Variants in UGGT2 observed in about 807,000 individuals in gnomAD.
The protein encoded by UGGT2 is UDP-glucose:glycoprotein glucosyltransferase 2.
Under a neutral mutation model 192.1 loss-of-function variants are expected in UGGT2, and 180 were observed. The ratio of observed to expected loss-of-function variants is 0.94; its 90% CI spans 0.83 to 1.06. The LOEUF (loss-of-function observed/expected upper bound fraction) is 1.06. Ranked by LOEUF, UGGT2 falls within the 50% of genes least tolerant of loss-of-function variation. The pLI, the probability that UGGT2 is intolerant of heterozygous loss-of-function variation, is 0.00. For synonymous variants in UGGT2, 580 were observed against 591.0 expected (o/e 0.98, Z 0.27); for missense variants, 1,849 against 1,795.7 (o/e 1.03, Z -0.54).
intron 34 of UGGT2, 119 bp downstream of exon 34, chr13:95,856,039 C>T (rs1222242157): frequency 7.4e-6 from 6 of 809,582 alleles, no homozygotes; most frequent in Admixed American, 3.6e-5. Context: ...ATATCACAAT[C>T]GTATCTTAAG....
At chr13:96,010,705 ATTTAT>A (rs2052133761) in intron 5 of UGGT2, among the ~76,000 whole-genome samples, 1 of 152,224 alleles carries the variant, frequency 6.6e-6, no homozygotes, top group African/African-American at 2.4e-5. Context: ...CACAAATTTA[ATTTAT>A]ATGTTCAATG....
At chr13:95,988,943 GTATGT>G (rs1268617898) in intron 8 of UGGT2, among the ~76,000 whole-genome samples, 3 of 152,100 alleles carry the variant, frequency 2.0e-5, no homozygotes, top group Non-Finnish European at 4.4e-5. Context: ...AATATTATTT[GTATGT>G]TATAAGTAAG....
chr13:95,990,166 TTA>T, intron 7 of UGGT2, 93 bp from the exon 8 acceptor site: 1 of 662,634 alleles, frequency 1.5e-6, no homozygotes, highest in Admixed American at 2.8e-5. Context: ...TTCCATGTAA[TTA>T]GACATAAATG....
At position 95,816,024 on chromosome 13, in the gene UGGT2, G is replaced by C. The variant is rs139483786; in HGVS notation, c.4529-14212C>G. Among the ~76,000 whole-genome samples the C allele has an allele frequency of 2.8e-3, 420 of 152,216 alleles. 2 individuals are homozygous for C. Among genetic ancestry groups the C allele is most frequent in the African/African-American group, 9.7e-3 (402 of 41,536 alleles). On this transcript the variant is annotated intron_variant, in intron 38 of 38. Coordinates refer to ENST00000376747, the MANE Select transcript of UGGT2 (RefSeq NM_020121.4). ...CCTGTTCCTCCAATGTAAGACACCT[G>C]CTCCTGCTTTGCCTTCCACCATGAA...
At chr13:95,920,634 A>C (rs1329926270) in intron 20 of UGGT2, among the ~76,000 whole-genome samples, 1 of 152,264 alleles carries the variant, frequency 6.6e-6, no homozygotes, top group Non-Finnish European at 1.5e-5. Flanking sequence ...TCAAAACCAC[A>C]ATGAGATAAC....
chr13:95,974,138 G>A (rs2050863733), intron 10 of UGGT2, among the ~76,000 whole-genome samples: 1 of 152,172 alleles, frequency 6.6e-6, no homozygotes, highest in South Asian at 2.1e-4. Context: ...AGAGGAGGGA[G>A]AAGAACTTAA....
intron 5 of UGGT2, among the ~76,000 whole-genome samples, chr13:96,007,460 G>A (rs1478273896): frequency 2.0e-5 from 3 of 151,888 alleles, no homozygotes; most frequent in Admixed American, 2.0e-4. Flanking sequence ...AGAGTAATAA[G>A]GCAAGAGAAA....
At chr13:95,986,798 C>T (rs2051304372) in intron 8 of UGGT2, among the ~76,000 whole-genome samples, 1 of 152,170 alleles carries the variant, frequency 6.6e-6, no homozygotes, top group African/African-American at 2.4e-5. Context: ...AGAGCCAATT[C>T]TGAAAAGACC....
At chr13:95,966,987 C>T (rs978605272) in intron 12 of UGGT2, among the ~76,000 whole-genome samples, 1 of 152,088 alleles carries the variant, frequency 6.6e-6, no homozygotes, top group Admixed American at 6.6e-5. Context: ...ATTTATAACG[C>T]TTCTCTGTTA....
intron 10 of UGGT2, among the ~76,000 whole-genome samples, chr13:95,981,924 T>G (rs2051138617): frequency 6.6e-6 from 1 of 152,220 alleles, no homozygotes; most frequent in Non-Finnish European, 1.5e-5. Flanking sequence ...CCTAGATTAG[T>G]TACATGAAAG....
chr13:96,022,966 A>T, intron 4 of UGGT2, 74 bp downstream of exon 4: 1 of 1,058,278 alleles, frequency 9.4e-7, no homozygotes, highest in Non-Finnish European at 1.3e-6. Context: ...AATTTTTTTT[A>T]TTATAAGAAG....
intron 38 of UGGT2, among the ~76,000 whole-genome samples, chr13:95,832,106 C>A (rs992844248): frequency 4.0e-5 from 6 of 149,060 alleles, no homozygotes; most frequent in African/African-American, 1.5e-4. Context: ...ACAGTTTATA[C>A]ATAATCATTT....
At chr13:95,863,117 C>A (rs1464422329) in intron 31 of UGGT2, among the ~76,000 whole-genome samples, 2 of 152,170 alleles carry the variant, frequency 1.3e-5, no homozygotes, top group African/African-American at 4.8e-5. Flanking sequence ...CCTGCCATCA[C>A]CTCTCAAAGT....
At position 95,891,067 on chromosome 13, in the gene UGGT2, C is replaced by G. The variant is rs562731933; in HGVS notation, c.2856-103G>C. ...TTCTTATAAATTGTTTTCTTTCTCA[C>G]TAAAATTGTAAAATACTGGTTATTT... On this transcript the variant is annotated intron_variant, in intron 24 of 38. Transcript: ENST00000376747. 165 of 821,498 alleles carry G rather than the reference C, an allele frequency of 2.0e-4. No homozygotes were observed. In the African/African-American group the frequency reaches 2.5e-3, roughly 12 times the overall value. 50.9% of individuals were successfully genotyped at this position (821,498 alleles called of 1,614,324 possible).
At chr13:95,869,692 C>T (rs1891054195) in intron 29 of UGGT2, among the ~76,000 whole-genome samples, 1 of 152,170 alleles carries the variant, frequency 6.6e-6, no homozygotes, top group East Asian at 1.9e-4. Flanking sequence ...CAATGCTAAG[C>T]ACCTGAAACC....
At chr13:96,047,526 G>A (rs2053351739) in intron 1 of UGGT2, among the ~76,000 whole-genome samples, 1 of 152,178 alleles carries the variant, frequency 6.6e-6, no homozygotes, top group African/African-American at 2.4e-5. Context: ...GGAGAAACCA[G>A]AGCAGAAAAG....
intron 4 of UGGT2, among the ~76,000 whole-genome samples, chr13:96,020,010 G>A (rs2052467885): frequency 6.6e-6 from 1 of 152,284 alleles, no homozygotes; most frequent in Admixed American, 6.5e-5. Context: ...CCTTACTTCA[G>A]GTAGTGAAAT....
chr13:95,919,604 T>C (rs7335514), intron 20 of UGGT2, among the ~76,000 whole-genome samples: 55,504 of 151,764 alleles, frequency 0.37, 10,461 homozygotes, highest in Middle Eastern at 0.41. Flanking sequence ...CCATTCACAA[T>C]TGCTACAAAA....
chr13:96,051,179 G>T (rs1451455176), intron 1 of UGGT2, among the ~76,000 whole-genome samples: 2 of 152,180 alleles, frequency 1.3e-5, no homozygotes, highest in African/African-American at 4.8e-5. Flanking sequence ...CATGTCCTTT[G>T]TAGGGACATG....
Sources: allele counts gnomAD v4.1 joint callset (sites outside exome capture counted in the v4.1 genomes callset), GRCh38; gene constraint gnomAD v4.1.1; transcripts MANE v1.5; gene names NCBI Gene and HGNC (gene_info 2026-07-23, HGNC 2026-07-21).